Variants in YTHDC1 observed in about 807,000 individuals in gnomAD.
YTHDC1 encodes YTH N6-methyladenosine RNA binding protein C1.
YTHDC1 carries 12 observed loss-of-function variants against 107.0 expected under a neutral mutation model. The observed-to-expected ratio is 0.11, with a 90% CI of 0.07 to 0.18. The LOEUF is 0.18. Among genes scored for constraint, YTHDC1 ranks in the 10% least tolerant of loss-of-function variants. The probability of loss-of-function intolerance (pLI) is 1.00; values close to 1 mark genes in which losing one functional copy is unlikely to be tolerated. For missense variants in YTHDC1, 635 were observed against 898.8 expected (o/e 0.71, Z 3.75); for synonymous variants, 280 against 289.5 (o/e 0.97, Z 0.33).
chr4:68,339,629 G>A lies in YTHDC1; in HGVS notation c.29-1245C>T, dbSNP rs551545316. On this transcript the variant is annotated intron_variant, in intron 1 of 16. Coordinates refer to ENST00000344157, the MANE Select transcript of YTHDC1 (RefSeq NM_001031732.4). Reference sequence around the variant, plus strand: ...GTACACACACAGACACACAGAATGAGACAAATGTGACAAAATGCTAACATC... The same window carrying A: ...GTACACACACAGACACACAGAATGAAACAAATGTGACAAAATGCTAACATC... Among the ~76,000 whole-genome samples, 26 of 88,144 alleles carry A rather than the reference G, an allele frequency of 2.9e-4. 1 individual carries two copies. The highest frequency in any genetic ancestry group is 1.0e-3 in the African/African-American group (25 of 24,638). The allele number at this position is 88,144 out of a possible 152,430, so 57.8% of individuals were successfully genotyped here. A position where few individuals can be genotyped will look rare whatever the true frequency, so the allele number is the denominator to read the frequency against.
At chr4:68,314,437 G>C (rs1263098023) in intron 16 of YTHDC1, 114 bp from the exon 17 acceptor site, 1 of 887,436 alleles carries the variant, frequency 1.1e-6, no homozygotes, top group African/African-American at 1.7e-5. Flanking sequence ...AAAAAGAAAA[G>C]TCTCTGTATT....
Position 68,322,286 on chromosome 4 carries a change from G to A in YTHDC1, c.1601+463C>T, listed in dbSNP as rs909092691. Among the ~76,000 whole-genome samples, 5 of 152,146 alleles carry A rather than the reference G, an allele frequency of 3.3e-5. No homozygotes were observed. The highest frequency in any genetic ancestry group is 9.7e-5 in the African/African-American group (4 of 41,428). ...AAATATTTTATCCTCTAAATGAGGCGTCATCTTCTGAAAAAATATTAGTGA... is the reference window on the plus strand; with the variant it reads ...AAATATTTTATCCTCTAAATGAGGCATCATCTTCTGAAAAAATATTAGTGA... On this transcript the variant is annotated intron_variant, in intron 11 of 16. Coordinates refer to ENST00000344157, the MANE Select transcript of YTHDC1 (RefSeq NM_001031732.4). This position sits in a 1 kb window ranked among gnomAD's most constrained non-coding sequence, Gnocchi z 4.8.
chr4:68,342,245 G>A (rs1724888863), intron 1 of YTHDC1, among the ~76,000 whole-genome samples: 1 of 152,184 alleles, frequency 6.6e-6, no homozygotes, highest in African/African-American at 2.4e-5. Flanking sequence ...GAAATCATCT[G>A]AAGGCTTGTT....
chr4:68,342,932 T>C (rs916344699), intron 1 of YTHDC1, among the ~76,000 whole-genome samples: 1 of 152,312 alleles, frequency 6.6e-6, no homozygotes, highest in Admixed American at 6.5e-5. Flanking sequence ...TTTTTAACCA[T>C]TTCCTTTGTC....
chr4:68,348,353 G>A (rs567821298), intron 1 of YTHDC1, among the ~76,000 whole-genome samples: 5 of 151,866 alleles, frequency 3.3e-5, no homozygotes, highest in African/African-American at 9.7e-5. Flanking sequence ...ACAATCAGAT[G>A]TTTGCTGAAT....
In YTHDC1 at chr4:68,320,106, G is replaced by T; in HGVS notation, c.1684+17C>A. On this transcript the variant is annotated intron_variant, in intron 12 of 16. Transcript: ENST00000344157. Reference sequence around the variant, plus strand: ...ATAATTTGAAATCAAATATCTGCAGGATTATAAAATATTAACCTGGTCTCT... The same window carrying T: ...ATAATTTGAAATCAAATATCTGCAGTATTATAAAATATTAACCTGGTCTCT... 6.4e-7 allele frequency: 1 copy of T among 1,562,398 alleles called. No homozygotes were observed. Among genetic ancestry groups the T allele is most frequent in the Non-Finnish European group, 8.7e-7 (1 of 1,148,292 alleles).
chr4:68,316,258 G>A (rs1721847109), intron 16 of YTHDC1, 56 bp downstream of exon 16: 1 of 1,548,592 alleles, frequency 6.5e-7, no homozygotes, highest in African/African-American at 1.4e-5. Flanking sequence ...CCATATTTAA[G>A]TTACCTACAG....
chr4:68,338,743 A>C (rs943964336), intron 1 of YTHDC1, among the ~76,000 whole-genome samples: 2 of 152,194 alleles, frequency 1.3e-5, no homozygotes, highest in African/African-American at 4.8e-5. Flanking sequence ...CCAGCTACTC[A>C]GAAGGCTCAG....
Position 68,338,293 on chromosome 4 carries a change from A to C in YTHDC1, c.120T>G (p.Asn40Lys). The change falls in exon 2 of 17, where the codon AAT (asparagine) becomes AAG (lysine). Residue 40 changes from asparagine (N) to lysine (K), a missense_variant. Asn to Lys is a moderately conservative substitution (Grantham distance 94). Coordinates refer to ENST00000344157, the MANE Select transcript of YTHDC1 (RefSeq NM_001031732.4). ...AGAACTCTTACATACCCTTTTTCTC[A>C]TTTTTATCTTGTTCACTCTCTGGAT... ...LYNPESEQDK[N>K]EKKGSKRKSD... The C allele has an allele frequency of 6.2e-7, 1 of 1,603,388 alleles. No individual in the cohort carries two copies. The highest frequency in any genetic ancestry group is 8.5e-7 in the Non-Finnish European group (1 of 1,175,578).
At chr4:68,326,648 C>A (rs1191671375) in intron 9 of YTHDC1, among the ~76,000 whole-genome samples, 1 of 152,052 alleles carries the variant, frequency 6.6e-6, no homozygotes, top group Non-Finnish European at 1.5e-5. Flanking sequence ...TGGAGTGCAG[C>A]TGCATGATCT....
At chr4:68,334,713 A>T (rs1723966119) in intron 4 of YTHDC1, among the ~76,000 whole-genome samples, 1 of 152,118 alleles carries the variant, frequency 6.6e-6, no homozygotes, top group African/African-American at 2.4e-5. Flanking sequence ...TTAAAAAAGA[A>T]TTATTTCATG....
intron 11 of YTHDC1, 59 bp from the exon 12 acceptor site, chr4:68,320,264 A>G: frequency 7.8e-7 from 1 of 1,280,730 alleles, no homozygotes; most frequent in Non-Finnish European, 1.1e-6. Flanking sequence ...ACAAAGAGTA[A>G]AGCAAGAGTT....
intron 16 of YTHDC1, among the ~76,000 whole-genome samples, chr4:68,315,201 T>G (rs1313432512): frequency 6.6e-6 from 1 of 152,198 alleles, no homozygotes; most frequent in Non-Finnish European, 1.5e-5. Flanking sequence ...TATTTCTTTC[T>G]TGTGTGCTTA....
intron 6 of YTHDC1, among the ~76,000 whole-genome samples, chr4:68,332,522 C>T (rs556443553): frequency 5.9e-5 from 9 of 152,016 alleles, no homozygotes; most frequent in Admixed American, 2.0e-4. Context: ...CATATATATA[C>T]ACACACATCT....
chr4:68,338,645 G>A (rs1724489226), intron 1 of YTHDC1, among the ~76,000 whole-genome samples: 1 of 152,224 alleles, frequency 6.6e-6, no homozygotes, highest in Non-Finnish European at 1.5e-5. Flanking sequence ...GACGCCAGGA[G>A]TTTGAGACCA....
intron 1 of YTHDC1, among the ~76,000 whole-genome samples, chr4:68,344,738 T>C (rs1725230422): frequency 6.6e-6 from 1 of 152,088 alleles, no homozygotes; most frequent in Non-Finnish European, 1.5e-5. Context: ...TAAACAAGGA[T>C]ATAAAAAGAG....
chr4:68,330,410 A>T (rs927441672), intron 7 of YTHDC1, 100 bp from the exon 8 acceptor site: 1 of 693,794 alleles, frequency 1.4e-6, no homozygotes, highest in Non-Finnish European at 2.2e-6. Context: ...GTGTGCTTTC[A>T]ATTTAAGTAA....
At chr4:68,340,396 G>T (rs1024000504) in intron 1 of YTHDC1, among the ~76,000 whole-genome samples, 2 of 151,888 alleles carry the variant, frequency 1.3e-5, no homozygotes, top group South Asian at 4.1e-4. Context: ...AATGAAAACA[G>T]GCTATATGGG....
At position 68,345,248 on chromosome 4, in the gene YTHDC1, G is replaced by A. The variant is rs189711973; in HGVS notation, c.28+4478C>T. Among the ~76,000 whole-genome samples the A allele has an allele frequency of 8.4e-4, 128 of 151,962 alleles. 1 individual carries two copies. Among genetic ancestry groups the A allele is most frequent in the Middle Eastern group, 6.8e-3 (2 of 294 alleles). On this transcript the variant is annotated intron_variant, in intron 1 of 16. Coordinates refer to ENST00000344157, the MANE Select transcript of YTHDC1 (RefSeq NM_001031732.4). ...AGGGTAGAAAATTAACCTTTATCTG[G>A]GACAGTCATTTTTTACTGCAGAAGC... is the stretch of plus-strand genomic sequence containing the variant.
Sources: allele counts gnomAD v4.1 joint callset (sites outside exome capture counted in the v4.1 genomes callset), GRCh38; gene constraint gnomAD v4.1.1; non-coding constraint Gnocchi (gnomAD v3.1); transcripts MANE v1.5; gene names NCBI Gene and HGNC (gene_info 2026-07-23, HGNC 2026-07-21).